Variants in CNTLN observed in about 807,000 individuals in gnomAD.
The protein encoded by CNTLN is centlein, also known as centlein, centrosomal protein.
Under a neutral mutation model 180.0 loss-of-function variants are expected in CNTLN, and 212 were observed. The ratio of observed to expected loss-of-function variants is 1.18; its 90% CI spans 1.05 to 1.32. CNTLN has a LOEUF of 1.32. Among genes scored for constraint, CNTLN ranks in the 40% most tolerant of loss-of-function variants. The pLI is 0.00. For missense variants in CNTLN, 2,095 were observed against 1,610.9 expected, an observed-to-expected ratio of 1.30 and a Z score of -5.14; for synonymous variants, 722 against 563.1, an observed-to-expected ratio of 1.28 and a Z score of -3.99.
chr9:17,257,209 G>C (rs1344300933), intron 5 of CNTLN, among the ~76,000 whole-genome samples: 1 of 151,414 alleles, frequency 6.6e-6, no homozygotes, highest in Non-Finnish European at 1.5e-5. Flanking sequence ...TCCCACCTAT[G>C]AGTGAGAATA....
At chr9:17,523,355 C>A in the CNTLN span, among the ~76,000 whole-genome samples, 2 of 152,050 alleles carry the variant, frequency 1.3e-5, no homozygotes, top group Admixed American at 6.5e-5. Context: ...GCTGCCTTAG[C>A]CCCCTTGAGT....
chr9:17,424,858 A>G lies in CNTLN; in HGVS notation c.3114+8669A>G, dbSNP rs1255743182. 4.6e-5 allele frequency among the ~76,000 whole-genome samples: 7 copies of G among 152,160 alleles called. No individual in the cohort carries two copies. The South Asian group carries it at 1.5e-3, about 32-fold the overall frequency. On this transcript the variant is annotated intron_variant, in intron 18 of 25. Coordinates refer to ENST00000380647, the MANE Select transcript of CNTLN (RefSeq NM_017738.4). The stretch of plus-strand genomic sequence containing the variant: ...GACCTGGCAATAAGGCCTTCACCAG[A>G]TGCCGGAACCATGCTCTTAGACTTC...
chr9:17,271,228 A>C (rs1260949975), intron 5 of CNTLN, among the ~76,000 whole-genome samples: 2 of 151,772 alleles, frequency 1.3e-5, no homozygotes, highest in Non-Finnish European at 2.9e-5. Context: ...GGCGTGAGCC[A>C]CCGCGCCCAG....
intron 15 of CNTLN, among the ~76,000 whole-genome samples, chr9:17,408,626 C>G (rs1041396362): frequency 3.3e-5 from 5 of 151,870 alleles, no homozygotes; most frequent in Admixed American, 6.6e-5. Context: ...ACAGTGAAAC[C>G]CTATCTCTAC....
chr9:17,387,064 A>T (rs9657595), intron 13 of CNTLN, among the ~76,000 whole-genome samples: 132,359 of 152,166 alleles, frequency 0.87, 57,866 homozygotes, highest in Non-Finnish European at 0.92. Context: ...TACTGTTCTA[A>T]TTATTTCATA....
chr9:17,302,937 T>C (rs987986618), intron 7 of CNTLN, among the ~76,000 whole-genome samples: 1 of 152,212 alleles, frequency 6.6e-6, no homozygotes, highest in Non-Finnish European at 1.5e-5. Flanking sequence ...TAAATCGAGA[T>C]AAAAATGTAA....
intron 2 of CNTLN, among the ~76,000 whole-genome samples, chr9:17,219,787 G>T (rs1328024639): frequency 1.3e-5 from 2 of 151,944 alleles, no homozygotes; most frequent in African/African-American, 2.4e-5. Context: ...TATTCTCATG[G>T]TTCCAGGAAG....
chr9:17,400,992 A>G (rs1239415869), intron 15 of CNTLN, among the ~76,000 whole-genome samples: 1 of 152,130 alleles, frequency 6.6e-6, no homozygotes, highest in Non-Finnish European at 1.5e-5. Context: ...TTATACTGCT[A>G]TTTTTTAATG....
intron 19 of CNTLN, 22 bp downstream of exon 19, chr9:17,457,737 C>T (rs368724738): frequency 6.0e-5 from 80 of 1,342,436 alleles, no homozygotes; most frequent in Non-Finnish European, 7.2e-5. Context: ...ATTTATTAAG[C>T]ATGAAAACAT....
At chr9:17,487,969 A>G (rs1287761255) in intron 25 of CNTLN, among the ~76,000 whole-genome samples, 2 of 152,098 alleles carry the variant, frequency 1.3e-5, no homozygotes, top group Non-Finnish European at 2.9e-5. Flanking sequence ...TTTATTTTTT[A>G]AATGGACTGG....
At chr9:17,157,693 G>T (rs540546574) in intron 2 of CNTLN, among the ~76,000 whole-genome samples, 7 of 152,168 alleles carry the variant, frequency 4.6e-5, no homozygotes, top group Non-Finnish European at 7.3e-5. Context: ...GAGGAAAGTT[G>T]AATTTGCTCT....
chr9:17,411,964 C>T lies in CNTLN; in HGVS notation c.2796+2491C>T, dbSNP rs1217535544. Reference sequence around the variant, plus strand: ...CTTTCCCTTCTGAGCAAGATAATTTCAGAGGCCAAGTGCAGAGATGGGGAA... The same window carrying T: ...CTTTCCCTTCTGAGCAAGATAATTTTAGAGGCCAAGTGCAGAGATGGGGAA... On this transcript the variant is annotated intron_variant, in intron 16 of 25. Transcript: ENST00000380647. Among the ~76,000 whole-genome samples, 3 of 152,126 alleles carry T rather than the reference C, an allele frequency of 2.0e-5. No individual in the cohort carries two copies. The East Asian group carries it at 5.8e-4, about 29-fold the overall frequency.
At chr9:17,185,771 T>TTGTGTG (rs371473319) in intron 2 of CNTLN, among the ~76,000 whole-genome samples, 2,008 of 143,706 alleles carry the variant, frequency 0.014, 40 homozygotes, top group African/African-American at 0.048. Flanking sequence ...TGTTTCCCAT[T>TTGTGTG]TGTGTGTGTG....
chr9:17,346,374 C>T (rs1821897473), intron 12 of CNTLN, among the ~76,000 whole-genome samples: 1 of 152,136 alleles, frequency 6.6e-6, no homozygotes, highest in South Asian at 2.1e-4. Flanking sequence ...GATCCAGTCA[C>T]CTCCCACTAG....
chr9:17,491,551 A>G (rs781693134), intron 25 of CNTLN, among the ~76,000 whole-genome samples: 2 of 152,024 alleles, frequency 1.3e-5, no homozygotes, highest in African/African-American at 2.4e-5. Context: ...TTCTTGATTT[A>G]TGGTGTGTTG....
intron 1 of CNTLN, among the ~76,000 whole-genome samples, chr9:17,140,608 T>C (rs1818022582): frequency 6.6e-6 from 1 of 152,092 alleles, no homozygotes; most frequent in Non-Finnish European, 1.5e-5. Flanking sequence ...GGCTAGCTAA[T>C]TTTTAAGTTT....
intron 8 of CNTLN, among the ~76,000 whole-genome samples, chr9:17,324,861 T>C (rs1820157194): frequency 6.6e-6 from 1 of 152,126 alleles, no homozygotes; most frequent in South Asian, 2.1e-4. Context: ...TTTGCTATAA[T>C]GTGATAGTGT....
intron 5 of CNTLN, among the ~76,000 whole-genome samples, chr9:17,239,715 T>G (rs1825372866): frequency 6.6e-6 from 1 of 152,206 alleles, no homozygotes; most frequent in Non-Finnish European, 1.5e-5. Flanking sequence ...CACCATTTGT[T>G]GAAGAAAATT....
chr9:17,150,462 G>T (rs923112327), intron 2 of CNTLN, among the ~76,000 whole-genome samples: 1 of 152,198 alleles, frequency 6.6e-6, no homozygotes, highest in Non-Finnish European at 1.5e-5. Flanking sequence ...GATGGTTGTA[G>T]CTGTGTGGTG....
Sources: allele counts gnomAD v4.1 joint callset (sites outside exome capture counted in the v4.1 genomes callset), GRCh38; gene constraint gnomAD v4.1.1; transcripts MANE v1.5; gene names NCBI Gene and HGNC (gene_info 2026-07-23, HGNC 2026-07-21).